Variants in MED12L observed in about 807,000 individuals in gnomAD.
MED12L encodes the protein mediator complex subunit 12L.
MED12L carries 60 observed loss-of-function variants against 281.3 expected under a neutral mutation model. The ratio of observed to expected loss-of-function variants is 0.21; its 90% CI spans 0.17 to 0.26. The LOEUF (loss-of-function observed/expected upper bound fraction) is 0.26. Among genes scored for constraint, MED12L ranks in the 10% least tolerant of loss-of-function variants. MED12L has a pLI of 1.00. For synonymous variants in MED12L, 974 were observed against 987.2 expected, an observed-to-expected ratio of 0.99 and a Z score of 0.25; for missense variants, 2,146 against 2,680.9, an observed-to-expected ratio of 0.80 and a Z score of 4.41.
intron 16 of MED12L, among the ~76,000 whole-genome samples, chr3:151,345,517 C>CTTTTTTTTTTTTTTTTTTTTTTTCT (rs201731496): frequency 7.6e-6 from 1 of 131,652 alleles, no homozygotes; most frequent in Non-Finnish European, 1.6e-5. Context: ...TTTTCTTTTT[C>CTTTTTTTTTTTTTTTTTTTTTTTCT]TTTTTTTTTT....
Position 151,193,629 on chromosome 3 carries a change from G to A in MED12L, c.2213G>A (p.Arg738His), listed in dbSNP as rs1559861714. 5 of 1,613,868 alleles carry A rather than the reference G, an allele frequency of 3.1e-6. No individual in the cohort carries two copies. The highest frequency in any genetic ancestry group is 1.7e-5 in the Admixed American group (1 of 59,998). Residue 738 changes from arginine (R) to histidine (H), a missense_variant, in exon 16 of 45, where the codon CGC becomes CAC. Transcript: ENST00000687756. ...LIFPSNYDLL[R>H]HLQYATHFPI... The stretch of plus-strand genomic sequence containing the variant: ...TTTCCATCTAATTATGACCTCCTTC[G>A]CCACTTACAGTATGCAACACATTTT...
intron 25 of MED12L, among the ~76,000 whole-genome samples, chr3:151,368,667 T>TCATGTCATG (rs1560087272): frequency 1.7e-5 from 1 of 58,114 alleles, no homozygotes; most frequent in African/African-American, 6.9e-5. Context: ...TTCATTTCAT[T>TCATGTCATG]TCATTTCATG....
chr3:151,206,536 T>C (rs6790349), intron 16 of MED12L, among the ~76,000 whole-genome samples: 1 of 151,920 alleles, frequency 6.6e-6, no homozygotes, highest in African/African-American at 2.4e-5. Context: ...AATAAAGAAC[T>C]TTTAAAGATT....
At chr3:151,343,357 T>TTTTG (rs1210028050) in intron 16 of MED12L, among the ~76,000 whole-genome samples, 2 of 152,182 alleles carry the variant, frequency 1.3e-5, no homozygotes, top group Non-Finnish European at 2.9e-5. Context: ...GGGCTAACAG[T>TTTTG]AGAGATTTGA....
chr3:151,218,097 G>C (rs1305419124), intron 16 of MED12L, among the ~76,000 whole-genome samples: 1 of 152,114 alleles, frequency 6.6e-6, no homozygotes, highest in South Asian at 2.1e-4. Flanking sequence ...CTCATACAGG[G>C]ACCTACAGAA....
chr3:151,232,007 C>T (rs917425439), intron 16 of MED12L, among the ~76,000 whole-genome samples: 10 of 152,180 alleles, frequency 6.6e-5, no homozygotes, highest in African/African-American at 9.6e-5. Flanking sequence ...TATACACACA[C>T]GTGTGTGTGT....
intron 44 of MED12L, among the ~76,000 whole-genome samples, chr3:151,431,951 C>T (rs557845879): frequency 6.6e-6 from 1 of 152,212 alleles, no homozygotes; most frequent in Non-Finnish European, 1.5e-5. Context: ...GCTAATAGAG[C>T]TGAGGCTTGA....
chr3:151,204,274 C>T (rs1726061204), intron 16 of MED12L, among the ~76,000 whole-genome samples: 1 of 152,044 alleles, frequency 6.6e-6, no homozygotes, highest in South Asian at 2.1e-4. Context: ...TAAAATTAAT[C>T]TCTTGGTATT....
chr3:151,190,876 C>G lies in MED12L; in HGVS notation c.1913C>G (p.Pro638Arg), dbSNP rs765172790. 6.2e-7 allele frequency: 1 copy of G among 1,614,074 alleles called. No homozygotes were observed. Among genetic ancestry groups the G allele is most frequent in the African/African-American group, 1.3e-5 (1 of 74,988 alleles). The change falls in exon 14 of 45, where the codon CCA (proline) becomes CGA (arginine). Residue 638 changes from proline to arginine, a missense_variant. Coordinates refer to ENST00000687756, the MANE Select transcript of MED12L (RefSeq NM_001393769.1). Reference protein sequence around the residue: ...SVTASTRPRSPVGENADEHYS... With the variant: ...SVTASTRPRSRVGENADEHYS... ...ACTGCCTCAACTCGGCCGCGGTCAC[C>G]AGTAGGGGAAAATGCAGATGAACAC...
intron 39 of MED12L, among the ~76,000 whole-genome samples, chr3:151,402,788 G>A (rs190892180): frequency 6.6e-6 from 1 of 152,242 alleles, no homozygotes; most frequent in Non-Finnish European, 1.5e-5. Flanking sequence ...AACCCTTATA[G>A]GGCCTATGTT....
At chr3:151,334,700 A>G (rs561421800) in intron 16 of MED12L, among the ~76,000 whole-genome samples, 1 of 152,140 alleles carries the variant, frequency 6.6e-6, no homozygotes, top group East Asian at 1.9e-4. Flanking sequence ...GGGCTTCACC[A>G]TGTTGGCCAG....
At chr3:151,284,920 T>A (rs1355962837) in intron 16 of MED12L, among the ~76,000 whole-genome samples, 1 of 152,084 alleles carries the variant, frequency 6.6e-6, no homozygotes. Flanking sequence ...AAATTTTATA[T>A]TTAGTCTTTG....
chr3:151,183,903 ACT>A (rs1245474282), intron 11 of MED12L, among the ~76,000 whole-genome samples: 1 of 152,060 alleles, frequency 6.6e-6, no homozygotes, highest in Non-Finnish European at 1.5e-5. Flanking sequence ...TTTTAGGGTA[ACT>A]CTTTTTGTTA....
chr3:151,176,099 T>C (rs1722014898), intron 11 of MED12L, among the ~76,000 whole-genome samples: 1 of 152,188 alleles, frequency 6.6e-6, no homozygotes, highest in African/African-American at 2.4e-5. Context: ...CCTGTCCCAC[T>C]CCCCTGCCCA....
intron 16 of MED12L, among the ~76,000 whole-genome samples, chr3:151,282,321 C>G (rs1742920897): frequency 6.6e-6 from 1 of 151,638 alleles, no homozygotes; most frequent in Admixed American, 6.6e-5. Context: ...TTAACCATAG[C>G]AGATATTTGC....
In MED12L at chr3:151,411,767, A is replaced by T. The variant is rs748428358; in HGVS notation, c.6140+260A>T. On this transcript the variant is annotated intron_variant, in intron 41 of 44. Transcript: ENST00000687756. Reference sequence around the variant, plus strand: ...ACATGAGTGTAACAGTCTTTACGTGATAGTGTGTTTGCTTCAGTGTTCTTT... The same window carrying T: ...ACATGAGTGTAACAGTCTTTACGTGTTAGTGTGTTTGCTTCAGTGTTCTTT... 2.6e-5 allele frequency among the ~76,000 whole-genome samples: 4 copies of T among 152,098 alleles called. 1 individual carries two copies. Among genetic ancestry groups the T allele is most frequent in the African/African-American group, 4.8e-5 (2 of 41,422 alleles).
intron 11 of MED12L, among the ~76,000 whole-genome samples, chr3:151,178,499 G>T (rs1012873015): frequency 6.6e-6 from 1 of 152,184 alleles, no homozygotes; most frequent in Non-Finnish European, 1.5e-5. Flanking sequence ...CACACAAAAG[G>T]CCATTGTGTA....
At chr3:151,410,878 T>C (rs1180433943) in intron 40 of MED12L, among the ~76,000 whole-genome samples, 1 of 152,246 alleles carries the variant, frequency 6.6e-6, no homozygotes, top group East Asian at 1.9e-4. Context: ...GTAGCTTTTC[T>C]AATTTTGGAA....
chr3:151,348,811 T>C (rs2150011004), intron 16 of MED12L, among the ~76,000 whole-genome samples: 1 of 152,332 alleles, frequency 6.6e-6, no homozygotes, highest in African/African-American at 2.4e-5. Flanking sequence ...AGTTTAACGC[T>C]ACAGAAGCAA....
Sources: allele counts gnomAD v4.1 joint callset (sites outside exome capture counted in the v4.1 genomes callset), GRCh38; gene constraint gnomAD v4.1.1; transcripts MANE v1.5; gene names NCBI Gene and HGNC (gene_info 2026-07-23, HGNC 2026-07-21).